GHR: variants seen among roughly 807,000 people sequenced by gnomAD.
GHR encodes the protein GH receptor.
A neutral mutation model predicts 67.1 loss-of-function variants in GHR; 35 were observed. The observed-to-expected ratio is 0.52, with a 90% confidence interval of 0.40 to 0.69. GHR has a LOEUF of 0.69. GHR is among the 30% of genes least tolerant of loss of function. GHR has a pLI of 0.00. For missense variants in GHR, 792 were observed against 764.6 expected (o/e 1.04, Z -0.42); for synonymous variants, 272 against 269.1 (o/e 1.01, Z -0.10).
At chr5:42,545,085 T>C (rs1479503388) in intron 1 of GHR, among the ~76,000 whole-genome samples, 1 of 152,180 alleles carries the variant, frequency 6.6e-6, no homozygotes, top group African/African-American at 2.4e-5. Context: ...TCATGGGTCC[T>C]TTATGGATTC....
chr5:42,514,324 C>A, intron 1 of GHR: 1 of 961,000 alleles, frequency 1.0e-6, no homozygotes, highest in African/African-American at 2.0e-5. Context: ...TCACACTTCA[C>A]CCCTTGTTGA....
intron 3 of GHR, among the ~76,000 whole-genome samples, chr5:42,687,369 C>T (rs186004069): frequency 2.0e-4 from 30 of 152,280 alleles, no homozygotes; most frequent in Non-Finnish European, 2.6e-4. Context: ...CCAAGATAAT[C>T]GTAAGCAAAA....
chr5:42,566,505 T>C (rs1302294589), intron 2 of GHR, among the ~76,000 whole-genome samples: 1 of 152,206 alleles, frequency 6.6e-6, no homozygotes, highest in African/African-American at 2.4e-5. Context: ...CCCATCTCTA[T>C]AATTCTCCCT....
intron 2 of GHR, among the ~76,000 whole-genome samples, chr5:42,570,257 T>C (rs987260587): frequency 6.6e-6 from 1 of 152,214 alleles, no homozygotes; most frequent in Admixed American, 6.5e-5. Flanking sequence ...TTTTGATTGC[T>C]GCTGTCTTCA....
chr5:42,450,262 T>C (rs1743989813), intron 1 of GHR, among the ~76,000 whole-genome samples: 2 of 152,206 alleles, frequency 1.3e-5, no homozygotes, highest in Non-Finnish European at 2.9e-5. Flanking sequence ...TTGGACTTTT[T>C]TTGTTGGCAC....
chr5:42,461,465 C>T (rs527804219), intron 1 of GHR, among the ~76,000 whole-genome samples: 25 of 152,328 alleles, frequency 1.6e-4, no homozygotes, highest in Non-Finnish European at 2.9e-4. Context: ...GGTTCCCAAG[C>T]TCAGCATTTG....
chr5:42,467,111 C>T (rs1744765942), intron 1 of GHR: 1 of 1,596,200 alleles, frequency 6.3e-7, no homozygotes, highest in African/African-American at 1.3e-5. Context: ...CATGTGAAGG[C>T]CTTCCCACAT....
At position 42,477,396 on chromosome 5, in the gene GHR, C is replaced by A. The variant is rs369882105; in HGVS notation, c.-12+53441C>A. On this transcript the variant is annotated intron_variant, in intron 1 of 9. Coordinates refer to ENST00000230882, the MANE Select transcript of GHR (RefSeq NM_000163.5). Reference sequence around the variant, plus strand: ...ATTTATAATCCTTTGGGTATATACCCCAGTAATGGGATGGCAGGTTCAAAT... The same window carrying A: ...ATTTATAATCCTTTGGGTATATACCACAGTAATGGGATGGCAGGTTCAAAT... 3.8e-4 allele frequency among the ~76,000 whole-genome samples: 58 copies of A among 152,234 alleles called. 2 individuals carry two copies. In the South Asian group the frequency reaches 9.5e-3, roughly 25 times the overall value.
intron 2 of GHR, among the ~76,000 whole-genome samples, chr5:42,611,716 G>C (rs746060822): frequency 2.0e-5 from 3 of 152,154 alleles, no homozygotes; most frequent in Non-Finnish European, 4.4e-5. Flanking sequence ...ATTTTAGATA[G>C]AGCTATCAGG....
intron 3 of GHR, among the ~76,000 whole-genome samples, chr5:42,669,885 AATAAATGAAAAG>A (rs1199773554): frequency 6.6e-6 from 1 of 152,218 alleles, no homozygotes; most frequent in East Asian, 1.9e-4. Flanking sequence ...AGATGGTAAA[AATAAATGAAAAG>A]ATAAATATGT....
rs117289192 is a variant in GHR, at chr5:42,569,802, T to G, written c.70+3858T>G. ...ATGTGCACACCAGTGAGGTGTGGCT[T>G]GCAGGCAAAGCACATAATTGACATC... On this transcript the variant is annotated intron_variant, in intron 2 of 9. Transcript: ENST00000230882. Among the ~76,000 whole-genome samples the G allele has an allele frequency of 3.2e-4, 49 of 152,282 alleles. 1 individual carries two copies. In the East Asian group the frequency reaches 9.1e-3, roughly 28 times the overall value.
At chr5:42,547,045 T>C (rs1748767220) in intron 1 of GHR, among the ~76,000 whole-genome samples, 1 of 152,240 alleles carries the variant, frequency 6.6e-6, no homozygotes, top group Non-Finnish European at 1.5e-5. Context: ...AGGTGGTTTC[T>C]ACACATTCAA....
chr5:42,660,061 C>T (rs1048296143), intron 3 of GHR, among the ~76,000 whole-genome samples: 18 of 152,292 alleles, frequency 1.2e-4, no homozygotes, highest in Admixed American at 2.6e-4. Context: ...GGGGGAGGGG[C>T]GCCAGGCATT....
intron 1 of GHR, among the ~76,000 whole-genome samples, chr5:42,517,696 C>T (rs1294184967): frequency 1.3e-5 from 2 of 151,576 alleles, no homozygotes; most frequent in African/African-American, 4.9e-5. Flanking sequence ...ATTTCTAAAT[C>T]TTATTGTATT....
intron 8 of GHR, 131 bp downstream of exon 8, chr5:42,713,650 A>G: frequency 1.5e-6 from 1 of 664,344 alleles, no homozygotes; most frequent in East Asian, 2.7e-5. Context: ...GTACACTTTT[A>G]TCTCCAGTTA....
At chr5:42,633,423 C>T (rs1286618084) in intron 3 of GHR, among the ~76,000 whole-genome samples, 1 of 152,162 alleles carries the variant, frequency 6.6e-6, no homozygotes, top group Non-Finnish European at 1.5e-5. Flanking sequence ...TAGAAGTTCA[C>T]AAACATTCAA....
At chr5:42,661,593 T>G (rs953962025) in intron 3 of GHR, among the ~76,000 whole-genome samples, 1 of 152,006 alleles carries the variant, frequency 6.6e-6, no homozygotes, top group African/African-American at 2.4e-5. Context: ...CTACAAGAGC[T>G]CCTGAAGGAA....
intron 1 of GHR, among the ~76,000 whole-genome samples, chr5:42,482,314 G>T (rs1745679964): frequency 6.6e-6 from 1 of 152,196 alleles, no homozygotes; most frequent in Non-Finnish European, 1.5e-5. Context: ...TCCCAGTTAG[G>T]CTACTCAGGG....
intron 1 of GHR, among the ~76,000 whole-genome samples, chr5:42,540,028 G>C (rs890131456): frequency 6.6e-6 from 1 of 152,110 alleles, no homozygotes; most frequent in Non-Finnish European, 1.5e-5. Flanking sequence ...ACAAGTATTA[G>C]CCTATAAATA....
Sources: allele counts gnomAD v4.1 joint callset (sites outside exome capture counted in the v4.1 genomes callset), GRCh38; gene constraint gnomAD v4.1.1; transcripts MANE v1.5; gene names NCBI Gene and HGNC (gene_info 2026-07-23, HGNC 2026-07-21).